Variants in APBB1IP observed in about 807,000 individuals in gnomAD.
APBB1IP encodes the protein amyloid beta precursor protein binding family B member 1 interacting protein, also known as amyloid beta A4 precursor protein-binding family B member 1-interacting protein.
APBB1IP carries 27 observed loss-of-function variants against 64.9 expected under a neutral mutation model. The observed-to-expected ratio is 0.42, with a 90% CI of 0.31 to 0.57. APBB1IP has a LOEUF of 0.57. Among genes scored for constraint, APBB1IP ranks in the 20% least tolerant of loss-of-function variants. The pLI is 0.20. For synonymous variants in APBB1IP, 392 were observed against 331.0 expected (o/e 1.18, Z -2.00); for missense variants, 812 against 845.5 (o/e 0.96, Z 0.49).
chr10:26,516,562 G>GAAAC (rs1836332944), intron 8 of APBB1IP, among the ~76,000 whole-genome samples: 1 of 39,152 alleles, frequency 2.6e-5, no homozygotes, highest in African/African-American at 1.1e-4. Context: ...AAAAAAAAAA[G>GAAAC]TAAAGCGGAA....
At chr10:26,466,989 G>C (rs1348328685) in intron 2 of APBB1IP, among the ~76,000 whole-genome samples, 1 of 151,972 alleles carries the variant, frequency 6.6e-6, no homozygotes, top group African/African-American at 2.4e-5. Flanking sequence ...GTGAGAATGA[G>C]TTTGATTCCC....
intron 14 of APBB1IP, among the ~76,000 whole-genome samples, chr10:26,565,871 C>G (rs915534657): frequency 7.9e-5 from 12 of 152,130 alleles, no homozygotes; most frequent in Admixed American, 3.9e-4. Flanking sequence ...TGGGTGCCAA[C>G]AAGAGTCCAA....
At chr10:26,527,713 A>G (rs183771835) in intron 8 of APBB1IP, among the ~76,000 whole-genome samples, 963 of 88,560 alleles carry the variant, frequency 0.011, 9 homozygotes, top group African/African-American at 0.043. Flanking sequence ...TTTTTTTGAG[A>G]TGGAGTTTTG....
At chr10:26,526,562 T>C (rs960740724) in intron 8 of APBB1IP, among the ~76,000 whole-genome samples, 1 of 151,790 alleles carries the variant, frequency 6.6e-6, no homozygotes, top group Admixed American at 6.6e-5. Context: ...CTACTAAAAA[T>C]ACAAAAACAA....
chr10:26,533,887 G>A (rs80149721), intron 9 of APBB1IP, among the ~76,000 whole-genome samples: 8,510 of 151,982 alleles, frequency 0.056, 281 homozygotes, highest in Non-Finnish European at 0.081. Flanking sequence ...TTTTAGACGT[G>A]GTAGGAAGTG....
chr10:26,440,580 TA>T (rs1424230030), intron 2 of APBB1IP, among the ~76,000 whole-genome samples: 3 of 152,214 alleles, frequency 2.0e-5, no homozygotes, highest in African/African-American at 7.2e-5. Flanking sequence ...AGGTCAATAT[TA>T]TATTTTGAAA....
intron 7 of APBB1IP, 130 bp from the exon 8 acceptor site, chr10:26,513,409 G>T: frequency 2.1e-6 from 2 of 950,166 alleles, no homozygotes; most frequent in Non-Finnish European, 3.2e-6. Flanking sequence ...GTGGCATCAT[G>T]TGAGAATTAT....
intron 2 of APBB1IP, among the ~76,000 whole-genome samples, chr10:26,448,867 A>G (rs765951774): frequency 6.6e-5 from 10 of 152,198 alleles, no homozygotes; most frequent in Non-Finnish European, 1.2e-4. Context: ...ATCCGGCAAA[A>G]TGTGATCTGT....
At chr10:26,548,098 T>A (rs1038798952) in intron 11 of APBB1IP, among the ~76,000 whole-genome samples, 2 of 152,368 alleles carry the variant, frequency 1.3e-5, no homozygotes, top group Admixed American at 6.5e-5. Context: ...TTCTTTTTGC[T>A]CAAGGTTGCT....
At chr10:26,551,148 T>A (rs1257236534) in intron 11 of APBB1IP, among the ~76,000 whole-genome samples, 1 of 152,166 alleles carries the variant, frequency 6.6e-6, no homozygotes, top group African/African-American at 2.4e-5. Context: ...GCAGGGAAGG[T>A]GAGCCACTGC....
At chr10:26,563,254 G>A (rs1342792290) in intron 14 of APBB1IP, among the ~76,000 whole-genome samples, 1 of 152,160 alleles carries the variant, frequency 6.6e-6, no homozygotes, top group African/African-American at 2.4e-5. Context: ...CTGGGATGCT[G>A]AGGCAGGAGG....
chr10:26,500,662 T>G (rs1018362637), intron 4 of APBB1IP, among the ~76,000 whole-genome samples, 157 bp from the exon 5 acceptor site: 2 of 152,228 alleles, frequency 1.3e-5, no homozygotes, highest in African/African-American at 4.8e-5. Context: ...TTCCTACGCT[T>G]GTGCTATTGA....
chr10:26,516,266 A>G (rs1182371473), intron 8 of APBB1IP, among the ~76,000 whole-genome samples: 1 of 152,006 alleles, frequency 6.6e-6, no homozygotes, highest in Non-Finnish European at 1.5e-5. Flanking sequence ...TCAATATTTA[A>G]AGGGGATGCC....
At chr10:26,531,126 G>C (rs987266633) in intron 8 of APBB1IP, among the ~76,000 whole-genome samples, 2 of 152,044 alleles carry the variant, frequency 1.3e-5, no homozygotes, top group African/African-American at 4.8e-5. Flanking sequence ...GCTGAGGGGG[G>C]CAGTTTGAGA....
intron 6 of APBB1IP, among the ~76,000 whole-genome samples, chr10:26,506,258 G>T (rs955394698): frequency 1.6e-4 from 22 of 139,288 alleles, no homozygotes; most frequent in African/African-American, 3.6e-4. Flanking sequence ...TGTGGGGGGG[G>T]GGGGTGGGGG....
At position 26,536,232 on chromosome 10, in the gene APBB1IP, A is replaced by T; in HGVS notation, c.1044+15A>T. 1 of 1,565,862 alleles carries T rather than the reference A, an allele frequency of 6.4e-7. No individual in the cohort carries two copies. Among genetic ancestry groups the T allele is most frequent in the South Asian group, 1.2e-5 (1 of 82,914 alleles). On this transcript the variant is annotated intron_variant, in intron 10 of 14. Transcript: ENST00000376236. ...GAAAGACTAAGGTCAGAAAAAAAAA[A>T]AAAAAAGCACTTAGCAATAAAGCAT... is the stretch of plus-strand genomic sequence containing the variant.
chr10:26,546,040 G>A (rs917958764), intron 11 of APBB1IP, among the ~76,000 whole-genome samples: 1 of 152,208 alleles, frequency 6.6e-6, no homozygotes, highest in East Asian at 1.9e-4. Context: ...GACTATGGCT[G>A]TTCATGAAAG....
intron 2 of APBB1IP, among the ~76,000 whole-genome samples, chr10:26,485,159 G>A (rs553039347): frequency 3.3e-5 from 5 of 152,174 alleles, no homozygotes; most frequent in Non-Finnish European, 7.3e-5. Flanking sequence ...TACTCACCTG[G>A]AAATAGCATT....
chr10:26,520,191 T>C (rs1015740204), intron 8 of APBB1IP, among the ~76,000 whole-genome samples: 29 of 152,200 alleles, frequency 1.9e-4, no homozygotes, highest in Admixed American at 1.2e-3. Context: ...CTTACTTGCT[T>C]TCTGCTTTTC....
Sources: gnomAD v4.1 joint callset for allele counts (sites outside exome capture counted in the v4.1 genomes callset) on GRCh38, gnomAD v4.1.1 for gene constraint, MANE v1.5 for transcripts, NCBI Gene and HGNC (gene_info 2026-07-23, HGNC 2026-07-21) for gene names.